Variants in APIP observed in about 807,000 individuals in gnomAD.
APIP encodes the protein methylthioribulose-1-phosphate dehydratase.
Under a neutral mutation model 32.0 loss-of-function variants are expected in APIP, and 32 were observed. That is an observed-to-expected ratio of 1.00 (90% confidence interval 0.76 to 1.34). The LOEUF is 1.34. Among genes scored for constraint, APIP ranks in the 40% most tolerant of loss-of-function variants. APIP has a pLI of 0.00. For missense variants in APIP, 247 were observed against 298.6 expected, an observed-to-expected ratio of 0.83 and a Z score of 1.27; for synonymous variants, 92 against 94.8, an observed-to-expected ratio of 0.97 and a Z score of 0.17.
chr11:34,886,990 A>T (rs1322167724), intron 5 of APIP, among the ~76,000 whole-genome samples: 1 of 152,222 alleles, frequency 6.6e-6, no homozygotes, highest in Non-Finnish European at 1.5e-5. Flanking sequence ...AAACTTAAAA[A>T]AATACAGTAG....
intron 1 of APIP, among the ~76,000 whole-genome samples, chr11:34,898,786 G>GTTTTTTTTTTTTTTTTT (rs57593563): frequency 1.8e-5 from 1 of 55,166 alleles, no homozygotes; most frequent in African/African-American, 8.4e-5. Context: ...TCTTTCTTTG[G>GTTTTTTTTTTTTTTTTT]TTTTTTTTTT....
intron 2 of APIP, 98 bp from the exon 3 acceptor site, chr11:34,890,650 G>T: frequency 7.9e-7 from 1 of 1,261,898 alleles, no homozygotes; most frequent in Non-Finnish European, 1.1e-6. Context: ...TATAAATCAA[G>T]CAATACAGCC....
intron 2 of APIP, 21 bp downstream of exon 2, chr11:34,894,989 T>A: frequency 6.3e-7 from 1 of 1,596,400 alleles, no homozygotes; most frequent in Non-Finnish European, 8.6e-7. Flanking sequence ...TTCCCAGTAA[T>A]AAAGGCTGCC....
chr11:34,906,831 T>C (rs1402543279), intron 1 of APIP, among the ~76,000 whole-genome samples: 2 of 152,224 alleles, frequency 1.3e-5, no homozygotes, highest in African/African-American at 2.4e-5. Context: ...TAGTCTTCTT[T>C]ATGGAATTGG....
intron 1 of APIP, among the ~76,000 whole-genome samples, chr11:34,913,931 C>G (rs1043026139): frequency 2.0e-5 from 3 of 152,186 alleles, no homozygotes; most frequent in Admixed American, 6.5e-5. Flanking sequence ...AGCTTCATCT[C>G]AAGTCTCTGG....
intron 5 of APIP, among the ~76,000 whole-genome samples, chr11:34,884,537 C>T (rs1853025900): frequency 1.3e-5 from 2 of 152,126 alleles, no homozygotes; most frequent in African/African-American, 4.8e-5. Flanking sequence ...CCAGCCTGGC[C>T]AACATGGTGA....
chr11:34,889,014 A>G (rs1274264218), intron 3 of APIP, 145 bp from the exon 4 acceptor site: 1 of 392,034 alleles, frequency 2.6e-6, no homozygotes, highest in African/African-American at 2.1e-5. Context: ...GTATACATAT[A>G]CATAGAGTGC....
intron 1 of APIP, among the ~76,000 whole-genome samples, chr11:34,898,947 C>A (rs1394255247): frequency 6.6e-6 from 1 of 151,872 alleles, no homozygotes; most frequent in Non-Finnish European, 1.5e-5. Flanking sequence ...TACAGGCGCC[C>A]GCCACCGCGC....
At chr11:34,890,823 G>C (rs942351236) in intron 2 of APIP, 4 of 247,026 alleles carry the variant, frequency 1.6e-5, no homozygotes, top group Non-Finnish European at 3.1e-5. Flanking sequence ...GTGGTAACCA[G>C]GCTTTTATCC....
At chr11:34,911,355 T>C (rs931011713) in intron 1 of APIP, among the ~76,000 whole-genome samples, 5 of 152,148 alleles carry the variant, frequency 3.3e-5, no homozygotes, top group Non-Finnish European at 5.9e-5. Flanking sequence ...ATTAAAAAAA[T>C]AGAAGTAGTC....
chr11:34,889,752 T>C (rs1399661863), intron 3 of APIP, among the ~76,000 whole-genome samples: 1 of 152,168 alleles, frequency 6.6e-6, no homozygotes, highest in Non-Finnish European at 1.5e-5. Flanking sequence ...TTTCTGTTCC[T>C]GCATTAATTC....
Position 34,883,074 on chromosome 11 carries a change from AT to A in APIP, c.630-259del, listed in dbSNP as rs567068160. On this transcript the variant is annotated intron_variant, in intron 6 of 6. Transcript: ENST00000395787. ...AAATATACTGCCTACATAAATTTAC[AT>A]TTTTTTTAAACTAGATGTCACTTTC... Among the ~76,000 whole-genome samples, 94 of 152,126 alleles carry A rather than the reference AT, an allele frequency of 6.2e-4. 1 individual carries two copies. Among genetic ancestry groups the A allele is most frequent in the Admixed American group, 1.3e-3 (20 of 15,258 alleles).
chr11:34,912,675 C>T (rs1463322227), intron 1 of APIP, among the ~76,000 whole-genome samples: 1 of 152,172 alleles, frequency 6.6e-6, no homozygotes, highest in Non-Finnish European at 1.5e-5. Flanking sequence ...CTGGCCTAGC[C>T]TACATCTTTC....
At position 34,888,881 on chromosome 11, in the gene APIP, G is replaced by A. The variant is rs773081193; in HGVS notation, c.208-12C>T. On this transcript the variant is annotated splice_polypyrimidine_tract_variant and intron_variant, in intron 3 of 6. Transcript: ENST00000395787. ...AACATGTCTTCAGGCTATTTATAGA[G>A]GGGAAAAAAAGAAAAAAAGAAGGCT... is the stretch of plus-strand genomic sequence containing the variant. 2 of 1,427,690 alleles carry A rather than the reference G, an allele frequency of 1.4e-6. No individual in the cohort carries two copies. Among genetic ancestry groups the A allele is most frequent in the South Asian group, 1.6e-5 (1 of 63,924 alleles). The allele number at this position is 1,427,690 out of a possible 1,614,324, so 88.4% of individuals were successfully genotyped here. A position where few individuals can be genotyped will look rare whatever the true frequency, so the allele number is the denominator to read the frequency against.
At chr11:34,913,544 G>A (rs7104829) in intron 1 of APIP, among the ~76,000 whole-genome samples, 28,699 of 151,796 alleles carry the variant, frequency 0.19, 3,841 homozygotes, top group African/African-American at 0.39. Flanking sequence ...TCATGGTCTC[G>A]CTGACTTCAG....
chr11:34,908,711 GTCTGT>G (rs1196662713), intron 1 of APIP, among the ~76,000 whole-genome samples: 2 of 152,244 alleles, frequency 1.3e-5, no homozygotes, highest in Non-Finnish European at 2.9e-5. Flanking sequence ...AACACCAGTA[GTCTGT>G]TCTATGTTGG....
At chr11:34,913,875 C>T (rs780445302) in intron 1 of APIP, among the ~76,000 whole-genome samples, 5 of 152,270 alleles carry the variant, frequency 3.3e-5, no homozygotes, top group African/African-American at 4.8e-5. Context: ...AGTCCCCATC[C>T]GACCCAGAAG....
intron 1 of APIP, chr11:34,915,712 A>G (rs1358451273): frequency 1.9e-5 from 3 of 160,246 alleles, no homozygotes; most frequent in Non-Finnish European, 4.1e-5. Flanking sequence ...TCATCCCACA[A>G]TTCATCTAAA....
chr11:34,908,376 G>C (rs998866760), intron 1 of APIP, among the ~76,000 whole-genome samples: 3 of 152,210 alleles, frequency 2.0e-5, no homozygotes, highest in Non-Finnish European at 2.9e-5. Flanking sequence ...CTCAGGAAGG[G>C]ACTGAATGCA....
Sources: gnomAD v4.1 joint callset for allele counts (sites outside exome capture counted in the v4.1 genomes callset) on GRCh38, gnomAD v4.1.1 for gene constraint, MANE v1.5 for transcripts, NCBI Gene and HGNC (gene_info 2026-07-23, HGNC 2026-07-21) for gene names.